Variants in CCDC178 observed in about 807,000 individuals in gnomAD.
CCDC178 encodes coiled-coil domain-containing protein 178.
CCDC178 carries 126 observed loss-of-function variants against 117.4 expected under a neutral mutation model. The observed-to-expected ratio is 1.07, with a 90% CI of 0.93 to 1.24. The LOEUF (loss-of-function observed/expected upper bound fraction) is 1.24, where lower values mean the gene tolerates loss of function less well. Among genes scored for constraint, CCDC178 ranks in the 50% most tolerant of loss-of-function variants. CCDC178 has a pLI of 0.00. For synonymous variants in CCDC178, 283 were observed against 313.4 expected, an observed-to-expected ratio of 0.90 and a Z score of 1.02; for missense variants, 1,030 against 986.9, an observed-to-expected ratio of 1.04 and a Z score of -0.59.
At chr18:33,043,326 T>C (rs1000627760) in intron 21 of CCDC178, among the ~76,000 whole-genome samples, 2 of 152,092 alleles carry the variant, frequency 1.3e-5, no homozygotes, top group African/African-American at 4.8e-5. Context: ...AGAATTATCA[T>C]AGAACAATAT....
At chr18:33,185,923 A>G (rs2058787936) in intron 20 of CCDC178, among the ~76,000 whole-genome samples, 1 of 152,062 alleles carries the variant, frequency 6.6e-6, no homozygotes, top group South Asian at 2.1e-4. Flanking sequence ...GAAAGAAAAA[A>G]AAACCACTAC....
intron 20 of CCDC178, among the ~76,000 whole-genome samples, chr18:33,111,273 G>T (rs2057778210): frequency 6.6e-6 from 1 of 151,250 alleles, no homozygotes; most frequent in Admixed American, 6.6e-5. Flanking sequence ...TCACTTATTA[G>T]TTCTTACTGT....
chr18:33,212,847 G>C (rs1212720041), intron 19 of CCDC178, among the ~76,000 whole-genome samples: 1 of 151,880 alleles, frequency 6.6e-6, no homozygotes, highest in Non-Finnish European at 1.5e-5. Flanking sequence ...ATCAAAACAT[G>C]GTTAAAACAA....
At chr18:33,373,943 AAT>A (rs774119097) in intron 5 of CCDC178, among the ~76,000 whole-genome samples, 2 of 152,186 alleles carry the variant, frequency 1.3e-5, no homozygotes, top group Non-Finnish European at 2.9e-5. Flanking sequence ...TGGATTTTAA[AAT>A]ATGAGACAAC....
chr18:32,964,304 T>C (rs1034712235), intron 22 of CCDC178, among the ~76,000 whole-genome samples: 1 of 152,154 alleles, frequency 6.6e-6, no homozygotes, highest in Non-Finnish European at 1.5e-5. Context: ...TATGTGTTTA[T>C]GCATATGTTA....
chr18:33,403,169 G>A lies in CCDC178; in HGVS notation c.59-5961C>T, dbSNP rs559880850. 6.6e-5 allele frequency among the ~76,000 whole-genome samples: 10 copies of A among 152,294 alleles called. No individual in the cohort carries two copies. In the South Asian group the frequency reaches 1.9e-3, roughly 28 times the overall value. On this transcript the variant is annotated intron_variant, in intron 3 of 22. Coordinates refer to ENST00000383096, the MANE Select transcript of CCDC178 (RefSeq NM_001105528.4). ...TGTGCCAGAAGGAAAGGCTAAGGCT[G>A]AGCTGTCAAGTCCTTGGATGAGTGT...
intron 11 of CCDC178, among the ~76,000 whole-genome samples, chr18:33,307,543 A>G (rs2062272725): frequency 6.6e-6 from 1 of 152,218 alleles, no homozygotes; most frequent in Non-Finnish European, 1.5e-5. Flanking sequence ...ACAGAACACA[A>G]AACCCTATTT....
At chr18:33,344,848 CACACACAT>C (rs879307818) in intron 9 of CCDC178, among the ~76,000 whole-genome samples, 2,027 of 133,192 alleles carry the variant, frequency 0.015, 28 homozygotes, top group Middle Eastern at 0.041. Flanking sequence ...CACACACACA[CACACACAT>C]ATATTTATAA....
In CCDC178 at chr18:33,223,311, C is replaced by T. The variant is rs1277012844; in HGVS notation, c.1819-92G>A. The T allele has an allele frequency of 1.1e-5, 15 of 1,309,664 alleles. No homozygotes were observed. The East Asian group carries it at 3.6e-4, about 31-fold the overall frequency. 81.1% of individuals were successfully genotyped at this position (1,309,664 alleles called of 1,614,324 possible). ...CGTACTTAAGTGACTATTTTAATAACAACAGCATTTATTTTGGCAAATAAA... is the reference window on the plus strand; with the variant it reads ...CGTACTTAAGTGACTATTTTAATAATAACAGCATTTATTTTGGCAAATAAA... On this transcript the variant is annotated intron_variant, in intron 17 of 22. Transcript: ENST00000383096.
chr18:33,055,574 C>T (rs531176605), intron 21 of CCDC178, among the ~76,000 whole-genome samples: 12 of 152,198 alleles, frequency 7.9e-5, no homozygotes, highest in African/African-American at 2.6e-4. Flanking sequence ...AGCAATCGTC[C>T]TGACTCAGTC....
chr18:32,980,522 G>C (rs1672012625), intron 21 of CCDC178, among the ~76,000 whole-genome samples: 1 of 135,160 alleles, frequency 7.4e-6, no homozygotes, highest in African/African-American at 2.9e-5. Flanking sequence ...AGTGAGCGGA[G>C]ATCGCGCCAC....
At chr18:33,346,890 T>C (rs535827711) in intron 8 of CCDC178, among the ~76,000 whole-genome samples, 80 of 152,328 alleles carry the variant, frequency 5.3e-4, no homozygotes, top group Non-Finnish European at 6.9e-4. Flanking sequence ...CAGGAATTCA[T>C]TGGAATTTTG....
intron 21 of CCDC178, among the ~76,000 whole-genome samples, chr18:33,057,411 C>T (rs529237678): frequency 6.6e-6 from 1 of 152,234 alleles, no homozygotes; most frequent in Non-Finnish European, 1.5e-5. Flanking sequence ...CTAGAAAGAT[C>T]CTTAAGAATC....
At chr18:33,342,568 C>T (rs764200462) in intron 9 of CCDC178, among the ~76,000 whole-genome samples, 22 of 152,166 alleles carry the variant, frequency 1.4e-4, no homozygotes, top group East Asian at 3.9e-4. Flanking sequence ...CAGCATCCTA[C>T]GTTTCTATTC....
intron 20 of CCDC178, among the ~76,000 whole-genome samples, chr18:33,103,489 C>T (rs2057660353): frequency 6.6e-6 from 1 of 151,244 alleles, no homozygotes; most frequent in African/African-American, 2.4e-5. Flanking sequence ...CATAAAAAAA[C>T]ATGGTTAGAA....
intron 18 of CCDC178, among the ~76,000 whole-genome samples, chr18:33,219,260 A>G (rs948310477): frequency 6.6e-6 from 1 of 152,140 alleles, no homozygotes; most frequent in Non-Finnish European, 1.5e-5. Context: ...GGCAATCATT[A>G]AAAAGTCAGG....
intron 14 of CCDC178, among the ~76,000 whole-genome samples, chr18:33,246,035 A>G (rs1311468400): frequency 1.3e-5 from 2 of 151,866 alleles, no homozygotes; most frequent in African/African-American, 4.8e-5. Flanking sequence ...CACTTGAATA[A>G]AGCAATGGTT....
At chr18:32,985,973 T>A (rs1288917413) in intron 21 of CCDC178, among the ~76,000 whole-genome samples, 1 of 152,110 alleles carries the variant, frequency 6.6e-6, no homozygotes, top group Non-Finnish European at 1.5e-5. Context: ...TATAAAATAC[T>A]CATTCTTAAT....
chr18:33,027,784 AT>A (rs1370297159), intron 21 of CCDC178, among the ~76,000 whole-genome samples: 9 of 151,818 alleles, frequency 5.9e-5, no homozygotes, highest in African/African-American at 1.7e-4. Context: ...AATAATTCAG[AT>A]TTTGTTCTCT....
Sources: allele counts gnomAD v4.1 joint callset (sites outside exome capture counted in the v4.1 genomes callset), GRCh38; gene constraint gnomAD v4.1.1; transcripts MANE v1.5; gene names NCBI Gene and HGNC (gene_info 2026-07-23, HGNC 2026-07-21).